Variants in VRK3 observed in about 807,000 individuals in gnomAD.
VRK3 encodes the protein serine/threonine-protein kinase VRK3.
Under a neutral mutation model 60.4 loss-of-function variants are expected in VRK3, and 50 were observed. The ratio of observed to expected loss-of-function variants is 0.83; its 90% CI spans 0.66 to 1.05. The LOEUF is 1.05. VRK3 is among the 50% of genes least tolerant of loss of function. VRK3 has a pLI of 0.00. For synonymous variants in VRK3, 246 were observed against 227.8 expected (o/e 1.08, Z -0.72); for missense variants, 549 against 585.3 (o/e 0.94, Z 0.64).
intron 9 of VRK3, among the ~76,000 whole-genome samples, 194 bp downstream of exon 9, chr19:49,994,620 C>T (rs1460094557): frequency 6.6e-6 from 1 of 152,238 alleles, no homozygotes; most frequent in Non-Finnish European, 1.5e-5. Flanking sequence ...GCTCATGGCC[C>T]CCCAAGGGCC....
At chr19:50,015,790 C>G (rs779612130) in intron 3 of VRK3, 92 of 562,442 alleles carry the variant, frequency 1.6e-4, no homozygotes, top group African/African-American at 1.4e-3. Flanking sequence ...GGAGTCCAGG[C>G]TGGCTGGAGA....
intron 10 of VRK3, among the ~76,000 whole-genome samples, chr19:49,991,323 C>G (rs2076607581): frequency 6.6e-6 from 1 of 152,146 alleles, no homozygotes; most frequent in Non-Finnish European, 1.5e-5. Flanking sequence ...TCCCTGACTG[C>G]TTGAGCTAGA....
At chr19:49,998,648 G>A (rs1004950205) in intron 6 of VRK3, 7 of 152,088 alleles carry the variant, frequency 4.6e-5, no homozygotes, top group Admixed American at 3.9e-4. Context: ...TCTGGGCATT[G>A]GGGATATAGC....
At chr19:50,002,451 A>G (rs1040047321) in intron 5 of VRK3, among the ~76,000 whole-genome samples, 4 of 152,088 alleles carry the variant, frequency 2.6e-5, no homozygotes, top group Non-Finnish European at 5.9e-5. Flanking sequence ...CTGTGACATC[A>G]TGACCAAGCA....
At chr19:50,000,561 G>C in intron 6 of VRK3, 1 of 577,680 alleles carries the variant, frequency 1.7e-6, no homozygotes. Flanking sequence ...AGGTCACACA[G>C]CAGGGAAGCA....
intron 7 of VRK3, chr19:49,997,232 A>C (rs978017007): frequency 1.6e-5 from 5 of 310,736 alleles, no homozygotes; most frequent in Non-Finnish European, 6.0e-6. Context: ...TGATCTGCCC[A>C]CCTCAGCCTC....
intron 6 of VRK3, chr19:49,999,374 T>C (rs920568123): frequency 1.2e-4 from 18 of 152,208 alleles, no homozygotes; most frequent in Admixed American, 1.1e-3. Context: ...CAATCTCATG[T>C]GGGGTATTCA....
In VRK3 at chr19:50,009,285, A is replaced by T. The variant is rs1304411866; in HGVS notation, c.240T>A (p.Gly80=). 3.1e-6 allele frequency: 5 copies of T among 1,614,056 alleles called. No homozygotes were observed. In the Admixed American group the frequency reaches 8.3e-5, roughly 27 times the overall value. The change falls in exon 4 of 15, where the codon GGT becomes GGA. Residue 80 remains glycine (G), a synonymous_variant. Transcript: ENST00000316763. Reference sequence around the variant, plus strand: ...GAGTATCTTCAGACTCAGAACTGTCACCATCTGAGAAGAGGGATAATCGGG... The same window carrying T: ...GAGTATCTTCAGACTCAGAACTGTCTCCATCTGAGAAGAGGGATAATCGGG... ...TSPRLSLFSD[G]DSSESEDTLS... is the part of the protein sequence containing the mutation.
chr19:50,021,948 T>A lies in VRK3; in HGVS notation c.-64-1301A>T, dbSNP rs1600732066. On this transcript the variant is annotated intron_variant, in intron 1 of 14. Transcript: ENST00000316763. ...GAGAAGCAGAGGCTCAGAGAGCAAA[T>A]GACTTGCCCAGGGCCACAAACCTCT... Among the ~76,000 whole-genome samples, 4 of 152,322 alleles carry A rather than the reference T, an allele frequency of 2.6e-5. No homozygotes were observed. The South Asian group carries it at 8.3e-4, about 32-fold the overall frequency.
At chr19:49,977,701 G>C (rs530759792) in intron 14 of VRK3, among the ~76,000 whole-genome samples, 15 of 152,298 alleles carry the variant, frequency 9.8e-5, no homozygotes, top group South Asian at 2.1e-4. Flanking sequence ...GGGAGCAAGG[G>C]TGTTGGGGAG....
intron 7 of VRK3, among the ~76,000 whole-genome samples, chr19:49,995,618 G>GC (rs35469274): frequency 0.18 from 26,794 of 152,230 alleles, 2,577 homozygotes; most frequent in East Asian, 0.34. Flanking sequence ...CCTAGCCATG[G>GC]CATCACCGGA....
rs35937899 is a variant in VRK3 at position 49,976,747 on chromosome 19, ATT to A, written c.*47_*48del. On this transcript the variant is annotated 3_prime_UTR_variant, in exon 15 of 15. Coordinates refer to ENST00000316763, the MANE Select transcript of VRK3 (RefSeq NM_016440.4). ...AGCAGGCCTTGAGTCACATTACTTC[ATT>A]TTTTTTTTTCTGTTGCACACTGCAA... 0.18 allele frequency: 27,157 copies of A among 149,532 alleles called. 2,595 individuals are homozygous for A. Among genetic ancestry groups the A allele is most frequent in the East Asian group, 0.33 (1,669 of 5,112 alleles). The allele number at this position is 149,532 out of a possible 1,614,324, so 9.3% of individuals were successfully genotyped here. A position where few individuals can be genotyped will look rare whatever the true frequency, so the allele number is the denominator to read the frequency against.
rs185274963 is a variant in VRK3 at position 50,004,814 on chromosome 19, G to C, written c.547+2755C>G. Reference sequence around the variant, plus strand: ...AGTCCAAGCTACTCGGGAGGCTGAGGGGGGAGAATCACTTGAGCCTGGGAG... The same window carrying C: ...AGTCCAAGCTACTCGGGAGGCTGAGCGGGGAGAATCACTTGAGCCTGGGAG... On this transcript the variant is annotated intron_variant, in intron 5 of 14. Transcript: ENST00000316763. 5.3e-5 allele frequency among the ~76,000 whole-genome samples: 8 copies of C among 152,118 alleles called. No individual in the cohort carries two copies. In the East Asian group the frequency reaches 5.8e-4, roughly 11 times the overall value.
rs2076956985 is a variant in VRK3, at chr19:50,009,347, G to A, written c.178C>T (p.Pro60Ser). The A allele has an allele frequency of 1.2e-6, 2 of 1,613,858 alleles. No homozygotes were observed. Among genetic ancestry groups the A allele is most frequent in the Non-Finnish European group, 1.7e-6 (2 of 1,179,972 alleles). Residue 60 changes from proline (P) to serine (S), a missense_variant, in exon 4 of 15, where the codon CCT (proline) becomes TCT (serine). Coordinates refer to ENST00000316763, the MANE Select transcript of VRK3 (RefSeq NM_016440.4). ...RGLNSSFETSPKKVKWSSTVT... is the reference protein window; with the variant it reads ...RGLNSSFETSSKKVKWSSTVT... ...GTGCTGGACCATTTCACTTTCTTAG[G>A]AGAGGTTTCAAAACTGGAGTTCAGC...
chr19:49,996,713 T>A (rs1446488787), intron 7 of VRK3, among the ~76,000 whole-genome samples: 1 of 151,412 alleles, frequency 6.6e-6, no homozygotes, highest in Non-Finnish European at 1.5e-5. Context: ...ACCTTCCAGG[T>A]TCGAGTGATT....
At chr19:50,025,027 G>C (rs10410111) in intron 1 of VRK3, 1 of 152,120 alleles carries the variant, frequency 6.6e-6, no homozygotes, top group African/African-American at 2.4e-5. Context: ...AGGAGCTGTC[G>C]AACTTCCCAC....
intron 12 of VRK3, among the ~76,000 whole-genome samples, chr19:49,985,865 T>C (rs1370790439): frequency 6.6e-6 from 1 of 152,192 alleles, no homozygotes; most frequent in Non-Finnish European, 1.5e-5. Flanking sequence ...TGACATGGGC[T>C]GTCTCTGGAG....
rs866316727 is a variant in VRK3, at chr19:50,011,163, C to T, written c.140-1778G>A. On this transcript the variant is annotated intron_variant, in intron 3 of 14. Coordinates refer to ENST00000316763, the MANE Select transcript of VRK3 (RefSeq NM_016440.4). ...ACCCCAATAAAACACAGGCTCAAGG[C>T]CATCAGCAAACAGCCCCAGGACAAA... 3.9e-5 allele frequency among the ~76,000 whole-genome samples: 6 copies of T among 152,294 alleles called. No homozygotes were observed. The Middle Eastern group carries it at 0.014, about 345-fold the overall frequency.
intron 12 of VRK3, chr19:49,986,313 C>T (rs777045642): frequency 3.3e-5 from 5 of 152,934 alleles, no homozygotes; most frequent in Non-Finnish European, 5.9e-5. Context: ...GAGCATAGTG[C>T]CATTTATACA....
Sources: gnomAD v4.1 joint callset for allele counts (sites outside exome capture counted in the v4.1 genomes callset) on GRCh38, gnomAD v4.1.1 for gene constraint, MANE v1.5 for transcripts, NCBI Gene and HGNC (gene_info 2026-07-23, HGNC 2026-07-21) for gene names.